ABCC10: variants seen among roughly 807,000 people sequenced by gnomAD.
ABCC10 encodes the protein ATP binding cassette subfamily C member 10.
In ABCC10, 110 loss-of-function variants were observed where a neutral mutation model predicts 143.2. The observed-to-expected ratio is 0.77, with a 90% CI of 0.66 to 0.90. The LOEUF is 0.90. ABCC10 is among the 40% of genes least tolerant of loss of function. ABCC10 has a pLI of 0.00. For synonymous variants in ABCC10, 805 were observed against 846.7 expected, an observed-to-expected ratio of 0.95 and a Z score of 0.85; for missense variants, 1,700 against 1,900.5, an observed-to-expected ratio of 0.89 and a Z score of 1.96.
chr6:43,451,309 C>A, downstream of ABCC10: 1 of 1,597,630 alleles, frequency 6.3e-7, no homozygotes. The surrounding 1 kb of genome is among the most constrained non-coding windows in gnomAD (Gnocchi z 4.4). Flanking sequence ...TGATAACCAA[C>A]TTACCAACAC....
At chr6:43,441,256 T>C (rs557774127) in intron 8 of ABCC10, among the ~76,000 whole-genome samples, 14 of 151,758 alleles carry the variant, frequency 9.2e-5, no homozygotes, top group Non-Finnish European at 1.8e-4. Context: ...GGTGGGTGGA[T>C]CACAAGGTCA....
rs142010618 is a variant in ABCC10, at chr6:43,444,794, G to T, written c.2696G>T (p.Arg899Leu). Residue 899 changes from arginine (R) to leucine (L), a missense_variant, in exon 13 of 22, where the codon CGG (arginine) becomes CTG (leucine). Transcript: ENST00000372530. ...CCTTCCTGTCCCCACCCAGCCACGCGGAACGCTGCTGACTGGTGGCTCTCC... is the reference window on the plus strand; with the variant it reads ...CCTTCCTGTCCCCACCCAGCCACGCTGAACGCTGCTGACTGGTGGCTCTCC... ...LFSLLLMQAT[R>L]NAADWWLSHW... The T allele has an allele frequency of 2.5e-6, 4 of 1,595,100 alleles. No individual in the cohort carries two copies. The highest frequency in any genetic ancestry group is 1.7e-4 in the Middle Eastern group (1 of 5,970).
In ABCC10 at chr6:43,449,200, C is replaced by T; in HGVS notation, c.4199C>T (p.Ala1400Val). The T allele has an allele frequency of 6.2e-7, 1 of 1,613,744 alleles. No individual in the cohort carries two copies. The highest frequency in any genetic ancestry group is 8.5e-7 in the Non-Finnish European group (1 of 1,179,866). Reference protein sequence around the residue: ...LCLARALLTDAKILCIDEATA... With the variant: ...LCLARALLTDVKILCIDEATA... Reference sequence around the variant, plus strand: ...TTGGCCAGGGCTCTCCTCACAGATGCCAAGGTAAGGTGAGAGAAAGAGACA... The same window carrying T: ...TTGGCCAGGGCTCTCCTCACAGATGTCAAGGTAAGGTGAGAGAAAGAGACA... The change falls in exon 20 of 22, where the codon GCC becomes GTC. Residue 1400 changes from alanine to valine, a missense_variant. Physicochemically the swap from Ala to Val is moderately conservative, Grantham distance 64. Transcript: ENST00000372530.
intron 7 of ABCC10, chr6:43,438,334 C>T (rs1781974222): frequency 3.5e-6 from 5 of 1,411,854 alleles, no homozygotes; most frequent in South Asian, 1.6e-5. Flanking sequence ...ACCTTGTTTT[C>T]AGATGGGAAC....
At chr6:43,429,857 T>G (rs1481752329) in intron 2 of ABCC10, among the ~76,000 whole-genome samples, 4 of 152,108 alleles carry the variant, frequency 2.6e-5, no homozygotes, top group Non-Finnish European at 4.4e-5. Context: ...CTTGAATCGC[T>G]TGAACCCAGG....
chr6:43,438,741 T>G lies in ABCC10; in HGVS notation c.2073T>G (p.Asp691Glu), dbSNP rs1782014474. 1 of 1,614,136 alleles carries G rather than the reference T, an allele frequency of 6.2e-7. No homozygotes were observed. Among genetic ancestry groups the G allele is most frequent in the African/African-American group, 1.3e-5 (1 of 74,944 alleles). The stretch of plus-strand genomic sequence containing the variant: ...ACATCCTCTTTGGGAAGACATTTGA[T>G]GCACAGCTGTACAAGGAGGTGCTAG... ...RDNILFGKTFDAQLYKEVLEA... is the reference protein window; with the variant it reads ...RDNILFGKTFEAQLYKEVLEA... Residue 691 changes from aspartate (D) to glutamate (E), a missense_variant, in exon 8 of 22, where the codon GAT becomes GAG. By Grantham distance (45) the Asp-to-Glu change is conservative. Transcript: ENST00000372530.
At position 43,441,368 on chromosome 6, in the gene ABCC10, C is replaced by T. The variant is rs191227719; in HGVS notation, c.2128-494C>T. ...GCACACGCCTGTAGTCCCAGCTACT[C>T]GAGAGGCTGAGGCAGGAAAATCGCT... On this transcript the variant is annotated intron_variant, in intron 8 of 21. Coordinates refer to ENST00000372530, the MANE Select transcript of ABCC10 (RefSeq NM_001198934.2). Among the ~76,000 whole-genome samples the T allele has an allele frequency of 2.2e-3, 338 of 151,860 alleles. 3 individuals are homozygous for T. Among genetic ancestry groups the T allele is most frequent in the African/African-American group, 5.1e-3 (212 of 41,388 alleles).
Position 43,443,718 on chromosome 6 carries a change from T to C in ABCC10, c.2417-215T>C. The C allele has an allele frequency of 3.7e-6, 2 of 541,860 alleles. No homozygotes were observed. The highest frequency in any genetic ancestry group is 3.3e-6 in the Non-Finnish European group (1 of 300,322). 33.6% of individuals were successfully genotyped at this position (541,860 alleles called of 1,614,324 possible). A position where few individuals can be genotyped will look rare whatever the true frequency, so the allele number is the denominator to read the frequency against. ...TGGTCGGAATCAAGGTTTACAAGGA[T>C]GGACTTGAGTCCTGCTCGAGGTCTA... On this transcript the variant is annotated intron_variant, in intron 10 of 21. Coordinates refer to ENST00000372530, the MANE Select transcript of ABCC10 (RefSeq NM_001198934.2). The surrounding 1 kb of genome is among the most constrained non-coding windows in gnomAD (Gnocchi z 4.2).
intron 12 of ABCC10, 115 bp from the exon 13 acceptor site, chr6:43,444,673 C>A (rs909387488): frequency 1.2e-5 from 18 of 1,442,720 alleles, no homozygotes; most frequent in Non-Finnish European, 1.5e-5. Context: ...GAGGCCAGGC[C>A]AGGCGGATGG....
intron 15 of ABCC10, 52 bp from the exon 16 acceptor site, chr6:43,446,225 G>T: frequency 6.3e-7 from 1 of 1,576,666 alleles, no homozygotes. Flanking sequence ...CCTGAGGCTG[G>T]GTGGCTCAGG....
At position 43,427,628 on chromosome 6, in the gene ABCC10, G is replaced by A. The variant is rs1386175067; in HGVS notation, c.-141G>A. 2 of 360,890 alleles carry A rather than the reference G, an allele frequency of 5.5e-6. No homozygotes were observed. The highest frequency in any genetic ancestry group is 4.5e-5 in the Admixed American group (1 of 22,006). The allele number at this position is 360,890 out of a possible 1,614,324, so 22.4% of individuals were successfully genotyped here. The stretch of plus-strand genomic sequence containing the variant: ...GGGGCGGGCCCAGCACCCCGGCCGG[G>A]CAGTACTTTTTTTTTTTTTGCATAC... On this transcript the variant is annotated 5_prime_UTR_variant, in exon 1 of 22. Coordinates refer to ENST00000372530, the MANE Select transcript of ABCC10 (RefSeq NM_001198934.2).
rs754495607 is a variant in ABCC10 at position 43,448,924 on chromosome 6, G to T, written c.4003G>T (p.Gly1335Trp). The T allele has an allele frequency of 6.2e-7, 1 of 1,614,114 alleles. No homozygotes were observed. Among genetic ancestry groups the T allele is most frequent in the South Asian group, 1.1e-5 (1 of 91,086 alleles). Reference sequence around the variant, plus strand: ...CCCCCAGGAGCCCTTTTTGTTCAGTGGGACTGTTCGGGAAAACCTGGACCC... The same window carrying T: ...CCCCCAGGAGCCCTTTTTGTTCAGTTGGACTGTTCGGGAAAACCTGGACCC... ...IIPQEPFLFS[G>W]TVRENLDPQG... Residue 1335 changes from glycine (G) to tryptophan (W), a missense_variant, in exon 19 of 22, where the codon GGG becomes TGG. Gly to Trp is a radical substitution (Grantham distance 184, BLOSUM62 -2). Transcript: ENST00000372530.
chr6:43,437,254 T>C (rs972676116), intron 6 of ABCC10, among the ~76,000 whole-genome samples: 1 of 151,972 alleles, frequency 6.6e-6, no homozygotes, highest in African/African-American at 2.4e-5. Flanking sequence ...GATCCCAAAT[T>C]CCCATGGAAA....
Position 43,434,706 on chromosome 6 carries a change from G to T in ABCC10, c.1466G>T (p.Arg489Leu), listed in dbSNP as rs746355783. Residue 489 changes from arginine to leucine, a missense_variant, in exon 4 of 22, where the codon CGG (arginine) becomes CTG (leucine). Physicochemically the swap from Arg to Leu is moderately radical, Grantham distance 102. Transcript: ENST00000372530. ...QALGARVEACRARELGRLRVI... is the reference protein window; with the variant it reads ...QALGARVEACLARELGRLRVI... ...CTGGGAGCCCGAGTAGAGGCCTGCC[G>T]GGCTCGAGAGCTGGGGCGACTCCGG... is the stretch of plus-strand genomic sequence containing the variant. 2 of 1,614,160 alleles carry T rather than the reference G, an allele frequency of 1.2e-6. No individual in the cohort carries two copies. Among genetic ancestry groups the T allele is most frequent in the Non-Finnish European group, 1.7e-6 (2 of 1,180,022 alleles).
At position 43,443,929 on chromosome 6, in the gene ABCC10, C is replaced by T. The variant is rs775923042; in HGVS notation, c.2417-4C>T. The stretch of plus-strand genomic sequence containing the variant: ...CTCTCCCAATCTCCCCTTCTACCCT[C>T]CAGGACCTCCCTCTGAGATTCTGCC... On this transcript the variant is annotated splice_region_variant and splice_polypyrimidine_tract_variant and intron_variant, in intron 10 of 21. Coordinates refer to ENST00000372530, the MANE Select transcript of ABCC10 (RefSeq NM_001198934.2). The surrounding 1 kb of genome is among the most constrained non-coding windows in gnomAD (Gnocchi z 4.2). 1.1e-5 allele frequency: 17 copies of T among 1,612,870 alleles called. No homozygotes were observed. Among genetic ancestry groups the T allele is most frequent in the Non-Finnish European group, 1.4e-5 (17 of 1,178,812 alleles).
At chr6:43,448,152 C>G (rs79027003) in intron 18 of ABCC10, 29,812 of 750,236 alleles carry the variant, frequency 0.04, 753 homozygotes, top group Non-Finnish European at 0.049. Flanking sequence ...TCGCCCTGAC[C>G]CAGGCCACCT....
chr6:43,449,597 T>A, intron 21 of ABCC10, 63 bp downstream of exon 21: 1 of 1,399,970 alleles, frequency 7.1e-7, no homozygotes, highest in South Asian at 1.3e-5. Context: ...AGAGCCTCCG[T>A]TGCTTTCAGG....
rs747392547 is a variant in ABCC10, at chr6:43,428,158, A to G, written c.161+19A>G. 3.3e-6 allele frequency: 5 copies of G among 1,513,496 alleles called. 1 individual carries two copies. In the South Asian group the frequency reaches 6.2e-5, roughly 19 times the overall value. The allele number at this position is 1,513,496 out of a possible 1,614,324, so 93.8% of individuals were successfully genotyped here. Reference sequence around the variant, plus strand: ...CCCCGAGGTGGGTAGAGACGGGCGCAAGGCATCTGTCCATGTGTGCCTGCA... The same window carrying G: ...CCCCGAGGTGGGTAGAGACGGGCGCGAGGCATCTGTCCATGTGTGCCTGCA... On this transcript the variant is annotated intron_variant, in intron 2 of 21. Transcript: ENST00000372530.
At chr6:43,449,564 A>G (rs962167950) in intron 21 of ABCC10, 30 bp downstream of exon 21, 3 of 1,580,474 alleles carry the variant, frequency 1.9e-6, no homozygotes, top group Non-Finnish European at 2.6e-6. Flanking sequence ...CAGCCTAATC[A>G]GGGACTGTGG....
Sources: gnomAD v4.1 joint callset for allele counts (sites outside exome capture counted in the v4.1 genomes callset) on GRCh38, gnomAD v4.1.1 for gene constraint, Gnocchi (gnomAD v3.1) non-coding constraint, MANE v1.5 for transcripts, NCBI Gene and HGNC (gene_info 2026-07-23, HGNC 2026-07-21) for gene names.